Variants in PRKN observed in about 807,000 individuals in gnomAD.
PRKN encodes the protein E3 ubiquitin-protein ligase parkin.
PRKN carries 56 observed loss-of-function variants against 59.5 expected under a neutral mutation model. That is an observed-to-expected ratio of 0.94 (90% CI 0.76 to 1.18). The LOEUF (loss-of-function observed/expected upper bound fraction) is 1.18, where lower values mean the gene tolerates loss of function less well. Among genes scored for constraint, PRKN ranks in the 50% most tolerant of loss-of-function variants. PRKN has a pLI of 0.00. For missense variants in PRKN, 657 were observed against 596.4 expected, an observed-to-expected ratio of 1.10 and a Z score of -1.06; for synonymous variants, 250 against 222.1, an observed-to-expected ratio of 1.13 and a Z score of -1.12.
chr6:161,877,564 G>A (rs1404804909), intron 6 of PRKN, among the ~76,000 whole-genome samples: 2 of 150,992 alleles, frequency 1.3e-5, no homozygotes, highest in African/African-American at 4.9e-5. Context: ...GGTTCACGCT[G>A]TTCTCCTGCC....
At chr6:162,491,251 C>G (rs1385705151) in intron 1 of PRKN, among the ~76,000 whole-genome samples, 3 of 143,010 alleles carry the variant, frequency 2.1e-5, no homozygotes, top group South Asian at 2.2e-4. Context: ...GCCTGGGCAA[C>G]AGAATGAGAC....
At chr6:162,532,968 A>G (rs925929861) in intron 1 of PRKN, among the ~76,000 whole-genome samples, 8 of 152,202 alleles carry the variant, frequency 5.3e-5, no homozygotes, top group African/African-American at 1.9e-4. Flanking sequence ...ATGTCTTGGC[A>G]ATGTCAGTTC....
At chr6:162,081,317 G>C (rs1381698758) in intron 4 of PRKN, among the ~76,000 whole-genome samples, 1 of 151,964 alleles carries the variant, frequency 6.6e-6, no homozygotes, top group Non-Finnish European at 1.5e-5. Flanking sequence ...TGATCTATGA[G>C]AGCTATAGCA....
rs181304556 is a variant in PRKN, at chr6:161,639,082, T to A, written c.872-69666A>T. Reference sequence around the variant, plus strand: ...CCCCCTTTTGCTCGGCACTTCTCCTTGCTGCCGCCATGTGAAGAAGGACAT... The same window carrying A: ...CCCCCTTTTGCTCGGCACTTCTCCTAGCTGCCGCCATGTGAAGAAGGACAT... On this transcript the variant is annotated intron_variant, in intron 7 of 11. Transcript: ENST00000366898. Among the ~76,000 whole-genome samples the A allele has an allele frequency of 6.6e-5, 10 of 152,288 alleles. No homozygotes were observed. The East Asian group carries it at 1.9e-3, about 29-fold the overall frequency.
intron 7 of PRKN, among the ~76,000 whole-genome samples, chr6:161,647,740 T>C (rs1014241679): frequency 2.0e-5 from 3 of 152,218 alleles, no homozygotes; most frequent in African/African-American, 7.2e-5. Flanking sequence ...TCCTGGGATA[T>C]AATTTTGTTT....
At chr6:162,555,973 C>T (rs1387294934) in intron 1 of PRKN, among the ~76,000 whole-genome samples, 1 of 71,710 alleles carries the variant, frequency 1.4e-5, no homozygotes, top group Admixed American at 1.7e-4. Flanking sequence ...AAGAGCGAAA[C>T]TCCATCTCAA....
intron 9 of PRKN, among the ~76,000 whole-genome samples, chr6:161,387,174 C>A (rs1786294773): frequency 6.6e-6 from 1 of 152,114 alleles, no homozygotes; most frequent in Non-Finnish European, 1.5e-5. Flanking sequence ...TGTGTCCCCA[C>A]CCAAATCTCA....
chr6:161,368,207 A>C (rs1785286807), intron 10 of PRKN, among the ~76,000 whole-genome samples: 1 of 150,762 alleles, frequency 6.6e-6, no homozygotes, highest in South Asian at 2.1e-4. Flanking sequence ...GACGGTCAGG[A>C]GTTCAAGACC....
chr6:162,722,838 G>A (rs1778986247), intron 1 of PRKN, among the ~76,000 whole-genome samples: 1 of 152,118 alleles, frequency 6.6e-6, no homozygotes, highest in Admixed American at 6.5e-5. Context: ...GGCCAAAATT[G>A]TAAAGGGCAA....
At chr6:162,522,300 T>C (rs1234428759) in intron 1 of PRKN, among the ~76,000 whole-genome samples, 1 of 152,118 alleles carries the variant, frequency 6.6e-6, no homozygotes, top group Non-Finnish European at 1.5e-5. Context: ...ATTTTTGTAT[T>C]TTTTGTAGAG....
In PRKN at chr6:161,727,240, G is replaced by T. The variant is rs6911683; in HGVS notation, c.871+58532C>A. 1.1e-4 allele frequency among the ~76,000 whole-genome samples: 17 copies of T among 152,142 alleles called. No homozygotes were observed. In the South Asian group the frequency reaches 1.5e-3, roughly 13 times the overall value. On this transcript the variant is annotated intron_variant, in intron 7 of 11. Coordinates refer to ENST00000366898, the MANE Select transcript of PRKN (RefSeq NM_004562.3). ...AGGAACAATCTCACACCTCTCAGCC[G>T]TCCAACCAACCCCTGCAGGGCAAAT...
intron 3 of PRKN, among the ~76,000 whole-genome samples, chr6:162,248,771 T>C (rs1046230620): frequency 3.3e-5 from 5 of 152,212 alleles, no homozygotes; most frequent in African/African-American, 7.2e-5. Flanking sequence ...TGGCTACTTA[T>C]TTTGAATGTT....
chr6:162,314,492 A>G (rs1782663467), intron 2 of PRKN, among the ~76,000 whole-genome samples: 1 of 151,994 alleles, frequency 6.6e-6, no homozygotes. Flanking sequence ...ATGCCTTAAC[A>G]TTTCCACATG....
intron 10 of PRKN, among the ~76,000 whole-genome samples, chr6:161,364,806 G>A (rs1344475236): frequency 6.6e-6 from 1 of 151,790 alleles, no homozygotes; most frequent in Non-Finnish European, 1.5e-5. Context: ...GTAGCTGGGT[G>A]TGGTGCCCAC....
chr6:161,534,256 T>A (rs1779329535), intron 9 of PRKN, among the ~76,000 whole-genome samples: 1 of 152,202 alleles, frequency 6.6e-6, no homozygotes, highest in Non-Finnish European at 1.5e-5. Context: ...CAGAATCTTC[T>A]GCCTGAAATA....
At chr6:162,206,241 G>A (rs1421379104) in intron 3 of PRKN, among the ~76,000 whole-genome samples, 1 of 152,098 alleles carries the variant, frequency 6.6e-6, no homozygotes, top group East Asian at 1.9e-4. Context: ...ATATGCTCAA[G>A]GTACAGTTAG....
At chr6:162,382,447 G>C (rs1347014681) in intron 2 of PRKN, among the ~76,000 whole-genome samples, 1 of 152,118 alleles carries the variant, frequency 6.6e-6, no homozygotes, top group Non-Finnish European at 1.5e-5. Flanking sequence ...GAATAGAAAT[G>C]TTACATTTAT....
At chr6:162,532,346 G>A (rs185697418) in intron 1 of PRKN, among the ~76,000 whole-genome samples, 123 of 152,314 alleles carry the variant, frequency 8.1e-4, no homozygotes, top group African/African-American at 2.8e-3. Context: ...TCTACATCAC[G>A]GAGACGTGAG....
At position 161,560,105 on chromosome 6, in the gene PRKN, T is replaced by C. The variant is rs1780400531; in HGVS notation, c.933+9250A>G. ...TATCACCCAAACTGTCAGTCCCATATGGGTCCATACGTTTCCTAATATCAG... is the reference window on the plus strand; with the variant it reads ...TATCACCCAAACTGTCAGTCCCATACGGGTCCATACGTTTCCTAATATCAG... On this transcript the variant is annotated intron_variant, in intron 8 of 11. Transcript: ENST00000366898. This position sits in a 1 kb window ranked among gnomAD's most constrained non-coding sequence, Gnocchi z 4.9. Among the ~76,000 whole-genome samples, 1 of 152,188 alleles carries C rather than the reference T, an allele frequency of 6.6e-6. No individual in the cohort carries two copies. The highest frequency in any genetic ancestry group is 1.5e-5 in the Non-Finnish European group (1 of 68,036).
Sources: gnomAD v4.1 joint callset for allele counts (sites outside exome capture counted in the v4.1 genomes callset) on GRCh38, gnomAD v4.1.1 for gene constraint, Gnocchi (gnomAD v3.1) non-coding constraint, MANE v1.5 for transcripts, NCBI Gene and HGNC (gene_info 2026-07-23, HGNC 2026-07-21) for gene names.